Variants in UBAP2 observed in about 807,000 individuals in gnomAD.
The protein encoded by UBAP2 is ubiquitin associated protein 2.
In UBAP2, 75 loss-of-function variants were observed where a neutral mutation model predicts 139.6. The observed-to-expected ratio is 0.54, with a 90% confidence interval of 0.45 to 0.65. The LOEUF (loss-of-function observed/expected upper bound fraction) is 0.65, where lower values mean the gene tolerates loss of function less well. UBAP2 is among the 30% of genes least tolerant of loss of function. The pLI is 0.00. For missense variants in UBAP2, 1,368 were observed against 1,369.6 expected (o/e 1.00, Z 0.02); for synonymous variants, 526 against 526.2 (o/e 1.00, Z 0.01).
intron 6 of UBAP2, among the ~76,000 whole-genome samples, chr9:33,974,944 G>T (rs1042301458): frequency 2.7e-5 from 4 of 149,964 alleles, no homozygotes; most frequent in African/African-American, 9.8e-5. Context: ...AAAAAAGGGG[G>T]GGGTGCGGGG....
At chr9:34,018,279 C>T (rs1174384556) in intron 1 of UBAP2, among the ~76,000 whole-genome samples, 1 of 149,330 alleles carries the variant, frequency 6.7e-6, no homozygotes, top group Non-Finnish European at 1.5e-5. Flanking sequence ...CCGATAAAGA[C>T]CAGAAAACCT....
intron 6 of UBAP2, among the ~76,000 whole-genome samples, chr9:33,975,711 C>T (rs1439011309): frequency 1.3e-5 from 2 of 148,618 alleles, no homozygotes; most frequent in African/African-American, 5.0e-5. Context: ...GAGGCTGAGG[C>T]AGAATGGCGT....
chr9:34,002,666 C>T (rs562512654), intron 2 of UBAP2, among the ~76,000 whole-genome samples: 3 of 151,666 alleles, frequency 2.0e-5, no homozygotes, highest in South Asian at 2.1e-4. Context: ...GTGAGCCACC[C>T]GCCCAGCCTT....
intron 1 of UBAP2, among the ~76,000 whole-genome samples, chr9:34,025,060 A>G (rs1394064865): frequency 6.6e-6 from 1 of 152,184 alleles, no homozygotes; most frequent in Non-Finnish European, 1.5e-5. Context: ...AATATTCTTC[A>G]AGACCCTTAA....
chr9:33,968,255 G>C (rs1404674493), intron 8 of UBAP2: 2 of 621,358 alleles, frequency 3.2e-6, no homozygotes, highest in East Asian at 3.9e-5. Context: ...GAAGCTGGAT[G>C]CAAGTCCTTC....
intron 8 of UBAP2, among the ~76,000 whole-genome samples, chr9:33,965,974 C>T (rs1038866461): frequency 2.6e-5 from 4 of 150,986 alleles, no homozygotes; most frequent in Admixed American, 2.0e-4. Context: ...GGCGTGAACC[C>T]GGGAGGCAGA....
rs928432993 is a variant in UBAP2, at chr9:34,013,833, C to T, written c.99+3217G>A. ...CAGAGGTTGCAATGAGCTGAGAACG[C>T]GCCACTGCACTCCAGCCTGGGCGAC... On this transcript the variant is annotated intron_variant, in intron 2 of 28. Coordinates refer to ENST00000379238, the MANE Select transcript of UBAP2 (RefSeq NM_001370062.2). 8.6e-5 allele frequency among the ~76,000 whole-genome samples: 13 copies of T among 151,158 alleles called. No homozygotes were observed. The South Asian group carries it at 1.3e-3, about 15-fold the overall frequency.
At chr9:33,926,400 C>T (rs987305284) in intron 22 of UBAP2, among the ~76,000 whole-genome samples, 1 of 152,206 alleles carries the variant, frequency 6.6e-6, no homozygotes, top group East Asian at 1.9e-4. Flanking sequence ...CAAAGGCCTT[C>T]ATGTTTCCCA....
Position 34,035,514 on chromosome 9 carries a change from A to AAAAAAAAATATAT in UBAP2, c.-42+13310_-42+13311insATATATTTTTTTT. On this transcript the variant is annotated intron_variant, in intron 1 of 28. Coordinates refer to ENST00000379238, the MANE Select transcript of UBAP2 (RefSeq NM_001370062.2). ...GAGACTCCATCTAAAAAAAAAAAAA[A>AAAAAAAAATATAT]ATATATATATATAAAGATTAGCCAG... Among the ~76,000 whole-genome samples, 85 of 22,492 alleles carry AAAAAAAAATATAT rather than the reference A, an allele frequency of 3.8e-3. 5 individuals are homozygous for AAAAAAAAATATAT. Among genetic ancestry groups the AAAAAAAAATATAT allele is most frequent in the African/African-American group, 0.01 (79 of 7,852 alleles). The allele number at this position is 22,492 out of a possible 152,430, so 14.8% of individuals were successfully genotyped here.
chr9:33,964,418 G>A (rs1827296115), intron 8 of UBAP2, among the ~76,000 whole-genome samples: 1 of 152,148 alleles, frequency 6.6e-6, no homozygotes, highest in African/African-American at 2.4e-5. Flanking sequence ...AAAGAGAGAG[G>A]AGGAAAGAGA....
chr9:34,025,198 G>A (rs1161986913), intron 1 of UBAP2, among the ~76,000 whole-genome samples: 3 of 152,140 alleles, frequency 2.0e-5, no homozygotes, highest in Non-Finnish European at 4.4e-5. Flanking sequence ...AAATGGAGCT[G>A]TGTGTAGTAA....
intron 6 of UBAP2, among the ~76,000 whole-genome samples, chr9:33,976,730 CTCGTGGCTGTAA>C (rs1353331610): frequency 6.6e-6 from 1 of 152,070 alleles, no homozygotes; most frequent in Non-Finnish European, 1.5e-5. Context: ...GGAGCAGTGG[CTCGTGGCTGTAA>C]TCCTAGCACT....
At chr9:33,990,465 A>G (rs1352390146) in intron 4 of UBAP2, among the ~76,000 whole-genome samples, 1 of 152,124 alleles carries the variant, frequency 6.6e-6, no homozygotes, top group Non-Finnish European at 1.5e-5. Flanking sequence ...TAGATATAAA[A>G]TGGATATGAA....
chr9:34,044,031 C>A (rs1021614887), intron 1 of UBAP2, among the ~76,000 whole-genome samples: 4 of 142,536 alleles, frequency 2.8e-5, no homozygotes, highest in African/African-American at 5.3e-5. Context: ...GCGGAGATTG[C>A]AGTGAACAGA....
intron 2 of UBAP2, among the ~76,000 whole-genome samples, chr9:34,002,797 C>A (rs967425071): frequency 6.6e-6 from 1 of 151,792 alleles, no homozygotes; most frequent in Non-Finnish European, 1.5e-5. Context: ...ACGCACTCCA[C>A]CCCCCATAAT....
At chr9:33,989,897 G>C (rs983124312) in intron 4 of UBAP2, among the ~76,000 whole-genome samples, 4 of 152,126 alleles carry the variant, frequency 2.6e-5, no homozygotes, top group African/African-American at 9.7e-5. Context: ...TTTAATGGCA[G>C]ATAAGTAAAA....
intron 11 of UBAP2, among the ~76,000 whole-genome samples, chr9:33,955,023 A>T (rs1826430449): frequency 6.6e-6 from 1 of 152,228 alleles, no homozygotes; most frequent in Non-Finnish European, 1.5e-5. Flanking sequence ...GTACATTCTA[A>T]GAATGTGGTT....
chr9:34,048,464 G>A (rs1827813405), intron 1 of UBAP2, among the ~76,000 whole-genome samples: 1 of 152,188 alleles, frequency 6.6e-6, no homozygotes, highest in Non-Finnish European at 1.5e-5. Context: ...AGCGTGGCGG[G>A]GAAGCTCCAG....
intron 6 of UBAP2, among the ~76,000 whole-genome samples, chr9:33,978,112 T>C (rs184036255): frequency 6.6e-6 from 1 of 151,448 alleles, no homozygotes; most frequent in Admixed American, 6.6e-5. Context: ...GGCACAATAA[T>C]GGCATTATAT....
Sources: allele counts gnomAD v4.1 joint callset (sites outside exome capture counted in the v4.1 genomes callset), GRCh38; gene constraint gnomAD v4.1.1; transcripts MANE v1.5; gene names NCBI Gene and HGNC (gene_info 2026-07-23, HGNC 2026-07-21).